Variants in NLRP14 observed in about 807,000 individuals in gnomAD.
The protein encoded by NLRP14 is NLR family pyrin domain containing 14.
In NLRP14, 105 loss-of-function variants were observed where a neutral mutation model predicts 94.7. That is an observed-to-expected ratio of 1.11 (90% CI 0.95 to 1.30). NLRP14 has a LOEUF of 1.30. Among genes scored for constraint, NLRP14 ranks in the 50% most tolerant of loss-of-function variants. The pLI is 0.00. For missense variants in NLRP14, 1,362 were observed against 1,254.1 expected, an observed-to-expected ratio of 1.09 and a Z score of -1.30; for synonymous variants, 508 against 459.9, an observed-to-expected ratio of 1.10 and a Z score of -1.34.
At chr11:7,075,128 C>T (rs1405189912), downstream of NLRP14, among the ~76,000 whole-genome samples, 1 of 152,124 alleles carries the variant, frequency 6.6e-6, no homozygotes, top group African/African-American at 2.4e-5. Context: ...GACCTCCCGT[C>T]TCTCCTGACA....
Position 7,046,834 on chromosome 11 carries a change from T to C in NLRP14, c.2123+2T>C, listed in dbSNP as rs1852360119. 6.2e-7 allele frequency: 1 copy of C among 1,608,452 alleles called. No homozygotes were observed. On this transcript the variant is annotated splice_donor_variant, in intron 5 of 11. Coordinates refer to ENST00000299481, the MANE Select transcript of NLRP14 (RefSeq NM_176822.4). LOFTEE classifies it high-confidence loss of function. Reference sequence around the variant, plus strand: ...AAACTGTAAACTACAAAAGCTACTGTAAGTCTGGTATGAGAAAATTTAATG... The same window carrying C: ...AAACTGTAAACTACAAAAGCTACTGCAAGTCTGGTATGAGAAAATTTAATG...
the NLRP14 span, chr11:7,089,519 C>T: frequency 2.3e-5 from 28 of 1,223,398 alleles, no homozygotes; most frequent in South Asian, 5.7e-5. Flanking sequence ...ACGGCGGCTA[C>T]ACGGCGGATT....
At chr11:7,054,137 T>A (rs1171660641) in intron 6 of NLRP14, among the ~76,000 whole-genome samples, 1 of 152,194 alleles carries the variant, frequency 6.6e-6, no homozygotes, top group Non-Finnish European at 1.5e-5. Flanking sequence ...TGACAGGATC[T>A]CATTCTTTTT....
chr11:7,043,419 A>G lies in NLRP14; in HGVS notation c.1393A>G (p.Ile465Val). 1 of 1,614,118 alleles carries G rather than the reference A, an allele frequency of 6.2e-7. No individual in the cohort carries two copies. Among genetic ancestry groups the G allele is most frequent in the South Asian group, 1.1e-5 (1 of 91,084 alleles). The part of the protein sequence containing the change: ...SDVSSFMDSN[I>V]IQKDAEYENC... ...TGTCTCTAGTTTTATGGACAGCAAT[A>G]TTATTCAGAAGGACGCAGAGTATGA... The change falls in exon 4 of 12, where the codon ATT becomes GTT. Residue 465 changes from isoleucine to valine, a missense_variant. Coordinates refer to ENST00000299481, the MANE Select transcript of NLRP14 (RefSeq NM_176822.4).
chr11:7,053,813 T>C lies in NLRP14; in HGVS notation c.2292-3864T>C, dbSNP rs749106845. ...TCCTTTGTATTAAACAATCCAAGTA[T>C]ACTCTTTTAGTTATTTTAAAATGTA... On this transcript the variant is annotated intron_variant, in intron 6 of 11. Coordinates refer to ENST00000299481, the MANE Select transcript of NLRP14 (RefSeq NM_176822.4). Among the ~76,000 whole-genome samples, 78 of 152,174 alleles carry C rather than the reference T, an allele frequency of 5.1e-4. 2 individuals are homozygous for C. Among genetic ancestry groups the C allele is most frequent in the Non-Finnish European group, 1.6e-4 (11 of 68,012 alleles).
rs748764700 is a variant in NLRP14 at position 7,043,967 on chromosome 11, C to A, written c.1941C>A (p.Ser647Arg). 1.2e-6 allele frequency: 2 copies of A among 1,614,128 alleles called. No individual in the cohort carries two copies. Among genetic ancestry groups the A allele is most frequent in the Admixed American group, 1.7e-5 (1 of 60,022 alleles). ...TTGAGAAGAAGATATTAAAAACAAG[C>A]CTCCCAACTAACACTTGGTAAGTGT... ...VVFEKKILKT[S>R]LPTNTWDGDR... Residue 647 changes from serine to arginine, a missense_variant, in exon 4 of 12, where the codon AGC (serine) becomes AGA (arginine). Coordinates refer to ENST00000299481, the MANE Select transcript of NLRP14 (RefSeq NM_176822.4).
At chr11:7,074,445 T>C (rs1205042530), downstream of NLRP14, among the ~76,000 whole-genome samples, 1 of 152,232 alleles carries the variant, frequency 6.6e-6, no homozygotes, top group South Asian at 2.1e-4. Context: ...TTTCACATGA[T>C]AGCCTTGGGC....
the NLRP14 span, chr11:7,089,685 G>A: frequency 2.3e-5 from 34 of 1,497,784 alleles, no homozygotes; most frequent in Admixed American, 5.9e-4. Flanking sequence ...GGGGCGAGAC[G>A]GCTACTCAGG....
chr11:7,064,702 A>G (rs140788760), intron 10 of NLRP14, among the ~76,000 whole-genome samples: 160 of 152,312 alleles, frequency 1.1e-3, no homozygotes, highest in African/African-American at 3.7e-3. Flanking sequence ...CTTATACATT[A>G]TATACCAATT....
intron 10 of NLRP14, 152 bp downstream of exon 10, chr11:7,062,655 A>G (rs957343969): frequency 2.7e-6 from 2 of 735,520 alleles, no homozygotes; most frequent in African/African-American, 3.5e-5. Flanking sequence ...AAATAAATGG[A>G]TCAATGTACT....
intron 6 of NLRP14, among the ~76,000 whole-genome samples, chr11:7,052,423 A>G (rs1466495749): frequency 1.3e-5 from 2 of 152,228 alleles, no homozygotes; most frequent in Non-Finnish European, 2.9e-5. Flanking sequence ...ACTTGAGGCC[A>G]GTAATTTGAG....
intron 5 of NLRP14, among the ~76,000 whole-genome samples, chr11:7,048,634 T>C (rs775447607): frequency 2.0e-5 from 3 of 152,196 alleles, no homozygotes; most frequent in Non-Finnish European, 4.4e-5. Flanking sequence ...ATAGATGTAG[T>C]AAGACAACTA....
the NLRP14 span, chr11:7,088,929 C>G: frequency 4.6e-6 from 3 of 655,676 alleles, no homozygotes; most frequent in East Asian, 5.5e-5. Flanking sequence ...AATTGGCCCT[C>G]TGGAAACAGC....
At chr11:7,063,577 C>G (rs1328759399) in intron 10 of NLRP14, among the ~76,000 whole-genome samples, 1 of 152,010 alleles carries the variant, frequency 6.6e-6, no homozygotes, top group Admixed American at 6.6e-5. Flanking sequence ...AGAGAAAGAC[C>G]TATGGAAGAA....
chr11:7,082,735 G>A, the NLRP14 span, among the ~76,000 whole-genome samples: 3 of 152,292 alleles, frequency 2.0e-5, no homozygotes, highest in East Asian at 5.8e-4. Flanking sequence ...TTCAGCCACT[G>A]TGCTGGTCTA....
the NLRP14 span, chr11:7,089,347 G>C: frequency 6.2e-7 from 1 of 1,607,388 alleles, no homozygotes; most frequent in African/African-American, 1.3e-5. Context: ...TCCCTGGATG[G>C]TAAGGCCATC....
chr11:7,046,224 A>G (rs1852346585), intron 4 of NLRP14, among the ~76,000 whole-genome samples: 1 of 152,216 alleles, frequency 6.6e-6, no homozygotes, highest in African/African-American at 2.4e-5. Flanking sequence ...CTCTCTTAAA[A>G]TAATATGGCT....
rs1441674267 is a variant in NLRP14, at chr11:7,057,701, A to G, written c.2316A>G (p.Val772=). The G allele has an allele frequency of 6.2e-7, 1 of 1,612,640 alleles. No individual in the cohort carries two copies. The highest frequency in any genetic ancestry group is 8.5e-7 in the Non-Finnish European group (1 of 1,178,922). The change falls in exon 7 of 12, where the codon GTA becomes GTG. Residue 772 remains valine (V), a synonymous_variant. Transcript: ENST00000299481. ...GGCTGGAATCTTGCAACCTAACTGT[A>G]TTTTGTTGTCTAAATATATCTAATG... ...TLRLESCNLT[V]FCCLNISNAL...
intron 4 of NLRP14, among the ~76,000 whole-genome samples, chr11:7,046,218 C>G (rs1852346490): frequency 6.6e-6 from 1 of 152,164 alleles, no homozygotes; most frequent in Non-Finnish European, 1.5e-5. Flanking sequence ...ATGCAACTCT[C>G]TTAAAATAAT....
Sources: allele counts gnomAD v4.1 joint callset (sites outside exome capture counted in the v4.1 genomes callset), GRCh38; gene constraint gnomAD v4.1.1; transcripts MANE v1.5; gene names NCBI Gene and HGNC (gene_info 2026-07-23, HGNC 2026-07-21).